The following ZBBX variants were observed in gnomAD, a reference collection of about 807,000 sequenced individuals.
ZBBX encodes the protein zinc finger B-box domain containing.
In ZBBX, 101 loss-of-function variants were observed where a neutral mutation model predicts 108.5. That is an observed-to-expected ratio of 0.93 (90% CI 0.79 to 1.10). The LOEUF is 1.10. ZBBX is among the 50% of genes least tolerant of loss of function. ZBBX has a pLI of 0.00. For synonymous variants in ZBBX, 356 were observed against 323.4 expected, an observed-to-expected ratio of 1.10 and a Z score of -1.08; for missense variants, 1,009 against 941.4, an observed-to-expected ratio of 1.07 and a Z score of -0.94.
intron 1 of ZBBX, among the ~76,000 whole-genome samples, chr3:167,396,556 C>G (rs1455789122): frequency 2.0e-5 from 3 of 152,006 alleles, no homozygotes; most frequent in African/African-American, 7.2e-5. Context: ...TTTTAAGTAG[C>G]ACCACTTCAT....
intron 9 of ZBBX, among the ~76,000 whole-genome samples, chr3:167,348,294 A>AAGGAAGGAAG (rs1741889496): frequency 4.7e-5 from 3 of 63,440 alleles, no homozygotes; most frequent in Admixed American, 1.9e-4. Flanking sequence ...AAGGAAGGAA[A>AAGGAAGGAAG]GAAGAAAGAG....
chr3:167,321,118 A>T (rs1736366456), intron 12 of ZBBX, among the ~76,000 whole-genome samples: 1 of 152,016 alleles, frequency 6.6e-6, no homozygotes, highest in Non-Finnish European at 1.5e-5. Flanking sequence ...GAGAAAGCTG[A>T]GTGAATGTTA....
At chr3:167,253,946 A>G (rs1419527107) in intron 20 of ZBBX, among the ~76,000 whole-genome samples, 1 of 152,218 alleles carries the variant, frequency 6.6e-6, no homozygotes, top group Non-Finnish European at 1.5e-5. Context: ...ATTAACCTCA[A>G]AGATGGAGCA....
At chr3:167,345,677 C>T (rs1464477479) in intron 9 of ZBBX, among the ~76,000 whole-genome samples, 1 of 151,656 alleles carries the variant, frequency 6.6e-6, no homozygotes, top group South Asian at 2.1e-4. Flanking sequence ...CATCAAGCTA[C>T]CATTATTGAC....
chr3:167,207,689 G>A, the ZBBX span, among the ~76,000 whole-genome samples: 1 of 152,076 alleles, frequency 6.6e-6, no homozygotes, highest in Non-Finnish European at 1.5e-5. Context: ...ACATAAGTAG[G>A]AGCTAAAAAA....
chr3:167,179,079 A>G, the ZBBX span, among the ~76,000 whole-genome samples: 1 of 152,184 alleles, frequency 6.6e-6, no homozygotes, highest in East Asian at 1.9e-4. Context: ...ACCGAGAAAC[A>G]CTGCAAAAGG....
At chr3:167,302,061 C>T (rs1038438888) in intron 17 of ZBBX, among the ~76,000 whole-genome samples, 5 of 151,058 alleles carry the variant, frequency 3.3e-5, no homozygotes, top group Admixed American at 1.3e-4. Flanking sequence ...TGGAAAACAC[C>T]GTGTGTAATA....
At chr3:167,333,228 G>A (rs1354304310) in intron 10 of ZBBX, among the ~76,000 whole-genome samples, 1 of 151,962 alleles carries the variant, frequency 6.6e-6, no homozygotes, top group African/African-American at 2.4e-5. Flanking sequence ...TTGAACTGCA[G>A]GGAAAAGGTG....
intron 17 of ZBBX, among the ~76,000 whole-genome samples, chr3:167,303,743 G>T (rs1293012773): frequency 6.6e-6 from 1 of 152,174 alleles, no homozygotes; most frequent in Non-Finnish European, 1.5e-5. Flanking sequence ...TGCTGTGCAT[G>T]AGAATTTAAT....
chr3:167,321,059 A>T (rs1350555189), intron 12 of ZBBX, among the ~76,000 whole-genome samples: 1 of 152,022 alleles, frequency 6.6e-6, no homozygotes, highest in Non-Finnish European at 1.5e-5. Context: ...TCCCTATGTA[A>T]GTTTCCTGGT....
chr3:167,272,445 T>C (rs539884044), intron 20 of ZBBX, among the ~76,000 whole-genome samples: 61 of 152,198 alleles, frequency 4.0e-4, no homozygotes, highest in Non-Finnish European at 7.9e-4. Context: ...AAGGACCCTA[T>C]CTAGTGCTCC....
intron 20 of ZBBX, among the ~76,000 whole-genome samples, chr3:167,258,395 T>G (rs1340158518): frequency 6.6e-6 from 1 of 152,156 alleles, no homozygotes; most frequent in Non-Finnish European, 1.5e-5. Context: ...AGGATCTAGT[T>G]TTATTCTCCA....
chr3:167,326,986 AG>A (rs983188573), intron 11 of ZBBX, among the ~76,000 whole-genome samples: 5 of 151,996 alleles, frequency 3.3e-5, no homozygotes, highest in African/African-American at 1.2e-4. Context: ...TTAAATGAAA[AG>A]CAATTGGAAG....
the ZBBX span, among the ~76,000 whole-genome samples, chr3:167,205,597 T>C: frequency 1.3e-5 from 2 of 152,148 alleles, no homozygotes; most frequent in Non-Finnish European, 2.9e-5. Context: ...TGCCAAGCAC[T>C]TTTGGAAGCA....
At chr3:167,386,378 GA>G (rs1189804723) in intron 1 of ZBBX, among the ~76,000 whole-genome samples, 46 of 152,142 alleles carry the variant, frequency 3.0e-4, no homozygotes, top group African/African-American at 1.1e-3. Context: ...ATGACTACCA[GA>G]AGAATCATAA....
chr3:167,225,835 C>G, the ZBBX span, among the ~76,000 whole-genome samples: 1 of 151,800 alleles, frequency 6.6e-6, no homozygotes, highest in Admixed American at 6.6e-5. Context: ...TTTCATGGAA[C>G]AGTGCAGTTT....
intron 2 of ZBBX, among the ~76,000 whole-genome samples, chr3:167,375,152 A>C (rs1214179278): frequency 6.6e-6 from 1 of 152,208 alleles, no homozygotes; most frequent in Non-Finnish European, 1.5e-5. Flanking sequence ...GGAGTTACCT[A>C]ATAAAAGGCT....
At chr3:167,367,046 T>C in intron 5 of ZBBX, 2 of 359,916 alleles carry the variant, frequency 5.6e-6, no homozygotes, top group Non-Finnish European at 1.1e-5. Context: ...ACTGAAAGTA[T>C]AATGAACACA....
chr3:167,291,246 A>G (rs1324724434), intron 18 of ZBBX, among the ~76,000 whole-genome samples: 4 of 152,068 alleles, frequency 2.6e-5, no homozygotes, highest in Non-Finnish European at 5.9e-5. Context: ...ACCCCATGAC[A>G]CATAATCCTC....
Sources: gnomAD v4.1 joint callset for allele counts (sites outside exome capture counted in the v4.1 genomes callset) on GRCh38, gnomAD v4.1.1 for gene constraint, MANE v1.5 for transcripts, NCBI Gene and HGNC (gene_info 2026-07-23, HGNC 2026-07-21) for gene names.